KAZN: variants seen among roughly 807,000 people sequenced by gnomAD.
KAZN encodes kazrin.
KAZN carries 40 observed loss-of-function variants against 87.4 expected under a neutral mutation model. The observed-to-expected ratio is 0.46, with a 90% confidence interval of 0.36 to 0.60. The LOEUF (loss-of-function observed/expected upper bound fraction) is 0.60. Ranked by LOEUF, KAZN falls within the 20% of genes least tolerant of loss-of-function variation. The pLI is 0.00. For synonymous variants in KAZN, 466 were observed against 458.3 expected, an observed-to-expected ratio of 1.02 and a Z score of -0.22; for missense variants, 898 against 1,073.9, an observed-to-expected ratio of 0.84 and a Z score of 2.29.
At chr1:14,161,659 C>G (rs1474889356) in intron 1 of KAZN, among the ~76,000 whole-genome samples, 1 of 152,162 alleles carries the variant, frequency 6.6e-6, no homozygotes, top group African/African-American at 2.4e-5. Context: ...TAGGAGAGGA[C>G]TATCCAAGGG....
intron 2 of KAZN, among the ~76,000 whole-genome samples, chr1:14,321,596 A>G (rs1459314459): frequency 6.6e-6 from 1 of 152,192 alleles, no homozygotes; most frequent in East Asian, 1.9e-4. Context: ...CCAGCTGTGC[A>G]GTCAGTTATT....
intron 2 of KAZN, among the ~76,000 whole-genome samples, chr1:14,399,233 T>C (rs545122127): frequency 6.6e-6 from 1 of 152,122 alleles, no homozygotes; most frequent in South Asian, 2.1e-4. Context: ...CGCAGGCTGG[T>C]CTCAAACTCC....
At chr1:14,567,762 C>T (rs1223719945) in intron 2 of KAZN, among the ~76,000 whole-genome samples, 1 of 152,172 alleles carries the variant, frequency 6.6e-6, no homozygotes, top group African/African-American at 2.4e-5. Context: ...TCTATTAAAA[C>T]TCATTCCCTC....
chr1:15,005,122 A>G (rs1313471554), intron 2 of KAZN, among the ~76,000 whole-genome samples: 1 of 152,148 alleles, frequency 6.6e-6, no homozygotes, highest in Non-Finnish European at 1.5e-5. Flanking sequence ...ATCCCAAAAC[A>G]CATGAGGGTC....
chr1:14,218,747 C>T (rs1252013177), intron 2 of KAZN, among the ~76,000 whole-genome samples: 1 of 151,984 alleles, frequency 6.6e-6, no homozygotes, highest in African/African-American at 2.4e-5. Flanking sequence ...AAAAAATAAT[C>T]TGTCTTTTCT....
chr1:14,333,357 G>A (rs1343776146), intron 2 of KAZN, among the ~76,000 whole-genome samples: 1 of 152,156 alleles, frequency 6.6e-6, no homozygotes, highest in Non-Finnish European at 1.5e-5. Flanking sequence ...GCATATACAT[G>A]TATCTTTGTA....
chr1:14,043,178 T>C (rs1641913352), intron 1 of KAZN, among the ~76,000 whole-genome samples: 1 of 152,254 alleles, frequency 6.6e-6, no homozygotes, highest in Non-Finnish European at 1.5e-5. Flanking sequence ...TCTGTCCTTT[T>C]GTATCTAGCT....
At chr1:14,639,112 G>T (rs1215699351) in intron 1 of KAZN, among the ~76,000 whole-genome samples, 1 of 152,086 alleles carries the variant, frequency 6.6e-6, no homozygotes, top group Non-Finnish European at 1.5e-5. Context: ...CCTTGGTGTG[G>T]CTCCACCTGC....
At chr1:14,931,978 G>A (rs1659883123) in intron 1 of KAZN, among the ~76,000 whole-genome samples, 1 of 152,090 alleles carries the variant, frequency 6.6e-6, no homozygotes, top group African/African-American at 2.4e-5. Context: ...TCTCAGTCTT[G>A]TGAACTCACA....
At chr1:14,394,840 T>A (rs1474597834) in intron 2 of KAZN, among the ~76,000 whole-genome samples, 7 of 152,154 alleles carry the variant, frequency 4.6e-5, no homozygotes, top group Non-Finnish European at 8.8e-5. Context: ...GGGGACAGTA[T>A]TGGATAAGTT....
At chr1:15,083,398 C>T (rs1396333928) in intron 8 of KAZN, among the ~76,000 whole-genome samples, 2 of 152,218 alleles carry the variant, frequency 1.3e-5, no homozygotes, top group Admixed American at 1.3e-4. Context: ...TCCAGGCTGC[C>T]TGTGTCACTC....
At chr1:14,244,961 CT>C (rs1300233169) in intron 2 of KAZN, among the ~76,000 whole-genome samples, 1 of 151,808 alleles carries the variant, frequency 6.6e-6, no homozygotes, top group Non-Finnish European at 1.5e-5. Context: ...GGGATTTTGT[CT>C]TGTTTTTTGT....
At chr1:14,398,536 C>T (rs1232986006) in intron 2 of KAZN, among the ~76,000 whole-genome samples, 1 of 152,174 alleles carries the variant, frequency 6.6e-6, no homozygotes, top group Non-Finnish European at 1.5e-5. Context: ...TTGGCGAGAG[C>T]AGGCTGCAGG....
At chr1:14,725,979 C>T (rs913447387) in intron 1 of KAZN, among the ~76,000 whole-genome samples, 4 of 152,230 alleles carry the variant, frequency 2.6e-5, no homozygotes, top group African/African-American at 9.6e-5. Context: ...ATCTAGGTTG[C>T]ACTAAACACT....
At chr1:14,272,463 T>C (rs1490219052) in intron 2 of KAZN, among the ~76,000 whole-genome samples, 1 of 152,202 alleles carries the variant, frequency 6.6e-6, no homozygotes, top group African/African-American at 2.4e-5. Context: ...AATCAAACTT[T>C]CATGGGCAAA....
intron 1 of KAZN, among the ~76,000 whole-genome samples, chr1:14,771,964 G>A (rs1645031581): frequency 6.6e-6 from 1 of 152,182 alleles, no homozygotes; most frequent in African/African-American, 2.4e-5. Flanking sequence ...TTCCAAGACA[G>A]CAGGCAGCAT....
intron 5 of KAZN, among the ~76,000 whole-genome samples, chr1:15,057,666 A>G (rs766517784): frequency 2.0e-5 from 3 of 152,188 alleles, no homozygotes; most frequent in Non-Finnish European, 2.9e-5. Context: ...AGCTTATAAT[A>G]AAACTGCTCG....
At chr1:14,153,930 G>A (rs1367149502) in intron 1 of KAZN, among the ~76,000 whole-genome samples, 2 of 152,086 alleles carry the variant, frequency 1.3e-5, no homozygotes, top group African/African-American at 4.8e-5. Flanking sequence ...TTTAAAGTCA[G>A]GTAATGTTAT....
At chr1:14,029,730 A>G (rs9701439) in intron 1 of KAZN, among the ~76,000 whole-genome samples, 142,417 of 151,098 alleles carry the variant, frequency 0.94, 67,218 homozygotes, top group African/African-American at 0.97. Context: ...ATTAAATAGG[A>G]AATCCTTTCC....
Sources: gnomAD v4.1 joint callset for allele counts (sites outside exome capture counted in the v4.1 genomes callset) on GRCh38, gnomAD v4.1.1 for gene constraint, MANE v1.5 for transcripts, NCBI Gene and HGNC (gene_info 2026-07-23, HGNC 2026-07-21) for gene names.